RNF115: variants seen among roughly 807,000 people sequenced by gnomAD.
RNF115 encodes the protein E3 ubiquitin-protein ligase RNF115.
RNF115 carries 31 observed loss-of-function variants against 39.2 expected under a neutral mutation model. The ratio of observed to expected loss-of-function variants is 0.79; its 90% confidence interval spans 0.59 to 1.07. The LOEUF is 1.07. Ranked by LOEUF, RNF115 falls within the 50% of genes least tolerant of loss-of-function variation. RNF115 has a pLI of 0.00. For missense variants in RNF115, 384 were observed against 381.7 expected, an observed-to-expected ratio of 1.01 and a Z score of -0.05; for synonymous variants, 124 against 131.0, an observed-to-expected ratio of 0.95 and a Z score of 0.37.
chr1:145,776,653 G>A (rs983481635), intron 3 of RNF115, among the ~76,000 whole-genome samples: 6 of 152,036 alleles, frequency 3.9e-5, no homozygotes, highest in African/African-American at 1.4e-4. Context: ...AGCCTAGCAT[G>A]GTGAAACCCC....
intron 4 of RNF115, among the ~76,000 whole-genome samples, chr1:145,754,016 G>C (rs1459284931): frequency 1.3e-5 from 2 of 151,970 alleles, no homozygotes; most frequent in Non-Finnish European, 2.9e-5. Context: ...GCAATGATAT[G>C]CAATTTTAAG....
intron 1 of RNF115, among the ~76,000 whole-genome samples, chr1:145,822,681 A>G (rs1358648080): frequency 6.6e-6 from 1 of 150,946 alleles, no homozygotes; most frequent in Non-Finnish European, 1.5e-5. Context: ...ACTCTGGGGG[A>G]GCTCCTCGTA....
intron 6 of RNF115, 94 bp downstream of exon 6, chr1:145,751,344 T>C: frequency 2.4e-6 from 2 of 824,734 alleles, no homozygotes; most frequent in South Asian, 3.3e-5. Flanking sequence ...GAAAGCAGAG[T>C]GACTGCCATT....
intron 1 of RNF115, among the ~76,000 whole-genome samples, chr1:145,815,077 G>A (rs1484386144): frequency 6.6e-5 from 10 of 152,310 alleles, no homozygotes; most frequent in South Asian, 2.1e-4. Flanking sequence ...GAGCTTAAAC[G>A]GTCACAAAGT....
chr1:145,793,835 CCTCT>C (rs1232778674), intron 1 of RNF115, among the ~76,000 whole-genome samples: 3 of 151,552 alleles, frequency 2.0e-5, no homozygotes, highest in Non-Finnish European at 2.9e-5. Context: ...AATATCTTAC[CCTCT>C]TTCTTTTTTT....
chr1:145,809,107 C>G (rs1649584469), intron 1 of RNF115, among the ~76,000 whole-genome samples: 1 of 152,018 alleles, frequency 6.6e-6, no homozygotes, highest in Admixed American at 6.6e-5. Context: ...TAACTAATGG[C>G]AAGTGGTCCA....
intron 2 of RNF115, among the ~76,000 whole-genome samples, chr1:145,785,849 C>T (rs1482881689): frequency 1.3e-5 from 2 of 152,182 alleles, no homozygotes; most frequent in African/African-American, 2.4e-5. Context: ...TTCAGAAAAA[C>T]GCTTTTGTAA....
chr1:145,786,139 A>G (rs995516163), intron 2 of RNF115, among the ~76,000 whole-genome samples: 5 of 152,202 alleles, frequency 3.3e-5, no homozygotes, highest in African/African-American at 1.2e-4. Flanking sequence ...AAATTCCTTT[A>G]AAGAATAATA....
At position 145,798,110 on chromosome 1, in the gene RNF115, A is replaced by G. The variant is rs76673441; in HGVS notation, c.103-9144T>C. On this transcript the variant is annotated intron_variant, in intron 1 of 8. Transcript: ENST00000582693. ...TTCCACAGGTTGCCTTTTCAAGTTG[A>G]TTGTGTTCATTGATGCACCAAAGTT... Among the ~76,000 whole-genome samples the G allele has an allele frequency of 8.7e-3, 1,326 of 152,190 alleles. 20 individuals carry two copies. The highest frequency in any genetic ancestry group is 0.03 in the African/African-American group (1,264 of 41,508).
intron 3 of RNF115, among the ~76,000 whole-genome samples, chr1:145,784,280 A>G (rs1648277445): frequency 6.6e-6 from 1 of 152,248 alleles, no homozygotes; most frequent in African/African-American, 2.4e-5. Context: ...AGTAGAAAAC[A>G]AGAATTAAAA....
chr1:145,748,646 A>G (rs1657964751), intron 7 of RNF115, among the ~76,000 whole-genome samples: 1 of 152,040 alleles, frequency 6.6e-6, no homozygotes, highest in Non-Finnish European at 1.5e-5. Context: ...ACTGTTAATG[A>G]GGGTGAAGGC....
intron 4 of RNF115, among the ~76,000 whole-genome samples, chr1:145,763,197 C>T (rs914687969): frequency 1.3e-5 from 2 of 152,086 alleles, no homozygotes; most frequent in African/African-American, 2.4e-5. Flanking sequence ...AACCTGTACA[C>T]GTACCCCCGA....
At chr1:145,762,708 CA>C (rs1407828410) in intron 4 of RNF115, among the ~76,000 whole-genome samples, 2 of 151,490 alleles carry the variant, frequency 1.3e-5, no homozygotes, top group East Asian at 3.9e-4. Context: ...CAAAAAAAGT[CA>C]GTTCTCAAAA....
chr1:145,759,253 T>C (rs1259519709), intron 4 of RNF115, among the ~76,000 whole-genome samples: 1 of 152,214 alleles, frequency 6.6e-6, no homozygotes, highest in Non-Finnish European at 1.5e-5. Context: ...TTAAATATCA[T>C]ATATAGGCCA....
chr1:145,799,056 GAATGTTT>G (rs1488175606), intron 1 of RNF115, among the ~76,000 whole-genome samples: 3 of 151,380 alleles, frequency 2.0e-5, no homozygotes, highest in African/African-American at 7.3e-5. Context: ...GTTTTTTGTG[GAATGTTT>G]AGGGTTTTCT....
chr1:145,784,385 AAC>A (rs1648284840), intron 3 of RNF115, among the ~76,000 whole-genome samples, 152 bp downstream of exon 3: 1 of 152,206 alleles, frequency 6.6e-6, no homozygotes, highest in African/African-American at 2.4e-5. Context: ...AGCTACTGAA[AAC>A]ACAAATCTTC....
At chr1:145,814,701 T>C (rs1649902186) in intron 1 of RNF115, among the ~76,000 whole-genome samples, 1 of 152,180 alleles carries the variant, frequency 6.6e-6, no homozygotes, top group African/African-American at 2.4e-5. Context: ...TTCAGATTTT[T>C]TTCTTCCTTA....
chr1:145,779,492 T>C (rs1461563602), intron 3 of RNF115, among the ~76,000 whole-genome samples: 1 of 151,914 alleles, frequency 6.6e-6, no homozygotes, highest in Non-Finnish European at 1.5e-5. Flanking sequence ...CTAATAACTA[T>C]AGAGAGACAA....
At chr1:145,819,926 T>C (rs1366475911) in intron 1 of RNF115, among the ~76,000 whole-genome samples, 4 of 151,690 alleles carry the variant, frequency 2.6e-5, no homozygotes, top group Non-Finnish European at 1.5e-5. Flanking sequence ...TAATCCCAGG[T>C]ATCTGGGAGG....
Sources: gnomAD v4.1 joint callset for allele counts (sites outside exome capture counted in the v4.1 genomes callset) on GRCh38, gnomAD v4.1.1 for gene constraint, MANE v1.5 for transcripts, NCBI Gene and HGNC (gene_info 2026-07-23, HGNC 2026-07-21) for gene names.